Variants in EPCIP observed in about 807,000 individuals in gnomAD.
The protein encoded by EPCIP is exosomal polycystin 1 interacting protein, also known as exosomal polycystin-1-interacting protein.
chr21:32,791,128 T>C, the EPCIP span: 1 of 152,258 alleles, frequency 6.6e-6, no homozygotes, highest in Admixed American at 6.5e-5. Context: ...TTAATCCCCA[T>C]GCCTGCACTG....
the EPCIP span, chr21:32,793,713 A>G: frequency 5.8e-6 from 9 of 1,563,812 alleles, no homozygotes; most frequent in Non-Finnish European, 7.1e-6. Context: ...CCTTCTGCAA[A>G]TTATTCATCA....
the EPCIP span, among the ~76,000 whole-genome samples, chr21:32,792,803 AC>A: frequency 6.6e-6 from 1 of 151,802 alleles, no homozygotes; most frequent in African/African-American, 2.4e-5. Flanking sequence ...TGCCTGTGGT[AC>A]CTCCACCCCA....
the EPCIP span, chr21:32,794,124 G>A: frequency 6.2e-7 from 1 of 1,614,220 alleles, no homozygotes. Flanking sequence ...TTCAGGTCTT[G>A]GACCAGCGTG....
At chr21:32,803,156 C>A in the EPCIP span, among the ~76,000 whole-genome samples, 1 of 152,310 alleles carries the variant, frequency 6.6e-6, no homozygotes, top group African/African-American at 2.4e-5. Flanking sequence ...TCTTAACTCC[C>A]TGATCATCCA....
the EPCIP span, among the ~76,000 whole-genome samples, chr21:32,803,372 C>T: frequency 3.9e-5 from 6 of 152,278 alleles, no homozygotes; most frequent in East Asian, 3.9e-4. Flanking sequence ...TGGAGACCCA[C>T]GCTGGGCTCC....
At chr21:32,791,215 C>T in the EPCIP span, 1 of 152,220 alleles carries the variant, frequency 6.6e-6, no homozygotes, top group Non-Finnish European at 1.5e-5. Context: ...TCTGAAACCT[C>T]AGGCTTGATT....
the EPCIP span, among the ~76,000 whole-genome samples, chr21:32,792,308 G>A: frequency 6.6e-6 from 1 of 152,118 alleles, no homozygotes; most frequent in African/African-American, 2.4e-5. Flanking sequence ...AAATCATTTT[G>A]TGTTAACCGT....
chr21:32,795,025 G>A, the EPCIP span, among the ~76,000 whole-genome samples: 1 of 152,168 alleles, frequency 6.6e-6, no homozygotes, highest in African/African-American at 2.4e-5. Context: ...GAAGCATTTA[G>A]TTAATGGCAA....
chr21:32,810,693 T>C, the EPCIP span: 1 of 471,290 alleles, frequency 2.1e-6, no homozygotes, highest in Non-Finnish European at 4.4e-6. Context: ...GATGGTGAAC[T>C]GAGATACGTC....
the EPCIP span, among the ~76,000 whole-genome samples, chr21:32,792,915 A>ATTAT: frequency 8.7e-4 from 61 of 69,842 alleles, no homozygotes; most frequent in African/African-American, 2.8e-3. Context: ...TATTATTATT[A>ATTAT]TTTTTTTTTT....
At chr21:32,809,409 G>C in the EPCIP span, among the ~76,000 whole-genome samples, 1 of 143,366 alleles carries the variant, frequency 7.0e-6, no homozygotes, top group African/African-American at 2.6e-5. Context: ...TTTGAGACAA[G>C]GTCTTGCTCT....
chr21:32,813,288 T>C, the EPCIP span, among the ~76,000 whole-genome samples: 1 of 152,246 alleles, frequency 6.6e-6, no homozygotes, highest in Non-Finnish European at 1.5e-5. Context: ...GAGTTTATCT[T>C]TTTAGGGTTT....
chr21:32,803,699 A>G, the EPCIP span, among the ~76,000 whole-genome samples: 2 of 152,202 alleles, frequency 1.3e-5, no homozygotes, highest in African/African-American at 4.8e-5. Context: ...GAAGTTGAAA[A>G]CTAATTTGGG....
At chr21:32,795,999 T>TCC in the EPCIP span, among the ~76,000 whole-genome samples, 1 of 149,068 alleles carries the variant, frequency 6.7e-6, no homozygotes, top group African/African-American at 2.5e-5. Context: ...CTTCCCTCCT[T>TCC]CCCTCTTTCC....
chr21:32,801,709 G>C, the EPCIP span, among the ~76,000 whole-genome samples: 1 of 152,162 alleles, frequency 6.6e-6, no homozygotes, highest in East Asian at 1.9e-4. Context: ...TGGGCGTGGT[G>C]GTGGGCACCT....
chr21:32,796,639 G>A, the EPCIP span, among the ~76,000 whole-genome samples: 12 of 152,314 alleles, frequency 7.9e-5, no homozygotes, highest in South Asian at 1.2e-3. Flanking sequence ...GAGAACAAGC[G>A]TTCTCCCTGA....
At chr21:32,794,360 T>A in the EPCIP span, 1 of 1,614,206 alleles carries the variant, frequency 6.2e-7, no homozygotes, top group Non-Finnish European at 8.5e-7. Flanking sequence ...GGTGAAGCAG[T>A]TAAGTGCAAA....
chr21:32,805,432 G>T, the EPCIP span, among the ~76,000 whole-genome samples: 13 of 151,940 alleles, frequency 8.6e-5, no homozygotes, highest in African/African-American at 2.9e-4. Flanking sequence ...CACGATCTTG[G>T]CTCACTGCAA....
chr21:32,809,295 T>C, the EPCIP span, among the ~76,000 whole-genome samples: 53 of 128,770 alleles, frequency 4.1e-4, 1 homozygote, highest in African/African-American at 1.5e-3. Flanking sequence ...TTTCTTTCTT[T>C]CTTTCTTTCT....
Sources: allele counts gnomAD v4.1 joint callset (sites outside exome capture counted in the v4.1 genomes callset), GRCh38; gene constraint gnomAD v4.1.1; transcripts MANE v1.5; gene names NCBI Gene and HGNC (gene_info 2026-07-23, HGNC 2026-07-21).